The following DAZAP1 variants were observed in gnomAD, a reference collection of about 807,000 sequenced individuals.
DAZAP1 encodes DAZ associated protein 1, also known as DAZ-associated protein 1.
A neutral mutation model predicts 60.1 loss-of-function variants in DAZAP1; 6 were observed. That is an observed-to-expected ratio of 0.10 (90% CI 0.05 to 0.20). The LOEUF is 0.20. Among genes scored for constraint, DAZAP1 ranks in the 10% least tolerant of loss-of-function variants. The pLI is 1.00. For synonymous variants in DAZAP1, 235 were observed against 215.9 expected (o/e 1.09, Z -0.78); for missense variants, 366 against 560.4 (o/e 0.65, Z 3.50).
rs1159068770 is a variant in DAZAP1, at chr19:1,434,053, C to T, written c.1049-684C>T. ...TGCACCCGAATGGGAACCCAGAGGT[C>T]GTGGGAGGGGCTTCCTGCAAGGTGT... On this transcript the variant is annotated intron_variant, in intron 11 of 11. Transcript: ENST00000233078. The surrounding 1 kb of genome is among the most constrained non-coding windows in gnomAD (Gnocchi z 8.0). 3.5e-6 allele frequency: 2 copies of T among 566,274 alleles called. No homozygotes were observed. Among genetic ancestry groups the T allele is most frequent in the South Asian group, 2.1e-5 (1 of 47,386 alleles). 35.1% of individuals were successfully genotyped at this position (566,274 alleles called of 1,614,324 possible). A position where few individuals can be genotyped will look rare whatever the true frequency, so the allele number is the denominator to read the frequency against.
intron 1 of DAZAP1, among the ~76,000 whole-genome samples, chr19:1,414,449 T>C (rs1196334138): frequency 6.6e-6 from 1 of 152,074 alleles, no homozygotes; most frequent in Non-Finnish European, 1.5e-5. Flanking sequence ...AGCACAGTGA[T>C]CAAAATTGAG....
At chr19:1,424,681 G>C (rs764851475) in intron 6 of DAZAP1, among the ~76,000 whole-genome samples, 1 of 151,964 alleles carries the variant, frequency 6.6e-6, no homozygotes, top group East Asian at 1.9e-4. Context: ...CCTCACGCCC[G>C]TGCTGCGCTG....
intron 10 of DAZAP1, among the ~76,000 whole-genome samples, chr19:1,430,638 A>T (rs1451301776): frequency 6.6e-6 from 1 of 151,860 alleles, no homozygotes; most frequent in Non-Finnish European, 1.5e-5. Flanking sequence ...CAGGCTCCTC[A>T]GGAGACAGAG....
At chr19:1,409,320 G>T (rs1024484996) in intron 1 of DAZAP1, among the ~76,000 whole-genome samples, 1 of 152,194 alleles carries the variant, frequency 6.6e-6, no homozygotes, top group Non-Finnish European at 1.5e-5. Flanking sequence ...CATTCAAGCC[G>T]CGGGTGAACG....
chr19:1,429,050 G>A (rs1035111276), intron 8 of DAZAP1, 55 bp downstream of exon 8: 36 of 1,512,272 alleles, frequency 2.4e-5, no homozygotes, highest in Non-Finnish European at 2.8e-5. Context: ...GACTTGGCCC[G>A]CGCGCCCTGG....
At chr19:1,431,043 A>G (rs750290625) in intron 10 of DAZAP1, among the ~76,000 whole-genome samples, 40 of 151,462 alleles carry the variant, frequency 2.6e-4, no homozygotes, top group Admixed American at 6.6e-4. Flanking sequence ...ATTCTTGACT[A>G]ATTTTCCTGT....
Position 1,426,914 on chromosome 19 carries a change from T to C in DAZAP1, c.546+954T>C, listed in dbSNP as rs920436808. 4 of 152,168 alleles carry C rather than the reference T, an allele frequency of 2.6e-5. No homozygotes were observed. Among genetic ancestry groups the C allele is most frequent in the East Asian group, 1.9e-4 (1 of 5,196 alleles). 9.4% of individuals were successfully genotyped at this position (152,168 alleles called of 1,614,324 possible). On this transcript the variant is annotated intron_variant, in intron 7 of 11. Coordinates refer to ENST00000233078, the MANE Select transcript of DAZAP1 (RefSeq NM_018959.4). This position sits in a 1 kb window ranked among gnomAD's most constrained non-coding sequence, Gnocchi z 5.4. ...CTCTGACAGGGCCATGGTTGTTTTTTCAATTAAAATGTCCTGGAGGGAGCA... is the reference window on the plus strand; with the variant it reads ...CTCTGACAGGGCCATGGTTGTTTTTCCAATTAAAATGTCCTGGAGGGAGCA...
intron 8 of DAZAP1, among the ~76,000 whole-genome samples, chr19:1,429,630 G>T (rs1476881986): frequency 6.6e-6 from 1 of 152,216 alleles, no homozygotes; most frequent in African/African-American, 2.4e-5. Context: ...CGGAGGTGCT[G>T]TGGGGACTGT....
Position 1,422,317 on chromosome 19 carries a change from T to C in DAZAP1, c.415-31T>C, listed in dbSNP as rs1384139700. 1.9e-6 allele frequency: 3 copies of C among 1,610,688 alleles called. No homozygotes were observed. Among genetic ancestry groups the C allele is most frequent in the South Asian group, 2.2e-5 (2 of 90,984 alleles). Reference sequence around the variant, plus strand: ...AGACCACCTGTGGTGCTGGCCCTGGTGTCCGTGCTGACGCCACCCTCTCCT... The same window carrying C: ...AGACCACCTGTGGTGCTGGCCCTGGCGTCCGTGCTGACGCCACCCTCTCCT... On this transcript the variant is annotated intron_variant, in intron 5 of 11. Coordinates refer to ENST00000233078, the MANE Select transcript of DAZAP1 (RefSeq NM_018959.4). The surrounding 1 kb of genome is among the most constrained non-coding windows in gnomAD (Gnocchi z 4.5).
In DAZAP1 at chr19:1,432,478, A is replaced by T; in HGVS notation, c.872-36A>T. 6.2e-7 allele frequency: 1 copy of T among 1,611,416 alleles called. No homozygotes were observed. ...CTGCTGGTCTGCCCCCAGCTGCACA[A>T]CGTGTCTTGTGCCTTGCCCTCTTGT... is the stretch of plus-strand genomic sequence containing the variant. On this transcript the variant is annotated intron_variant, in intron 10 of 11. Coordinates refer to ENST00000233078, the MANE Select transcript of DAZAP1 (RefSeq NM_018959.4). The surrounding 1 kb of genome is among the most constrained non-coding windows in gnomAD (Gnocchi z 4.9).
chr19:1,433,684 G>A lies in DAZAP1; in HGVS notation c.1048+994G>A, dbSNP rs972066020. 67 of 1,469,598 alleles carry A rather than the reference G, an allele frequency of 4.6e-5. No homozygotes were observed. In the African/African-American group the frequency reaches 5.2e-4, roughly 11 times the overall value. 91.0% of individuals were successfully genotyped at this position (1,469,598 alleles called of 1,614,324 possible). A position where few individuals can be genotyped will look rare whatever the true frequency, so the allele number is the denominator to read the frequency against. On this transcript the variant is annotated intron_variant, in intron 11 of 11. Coordinates refer to ENST00000233078, the MANE Select transcript of DAZAP1 (RefSeq NM_018959.4). This position sits in a 1 kb window ranked among gnomAD's most constrained non-coding sequence, Gnocchi z 6.1. ...GGTTGGGGCGTGGCGTGTGTCAGCC[G>A]CTGCTCTTGGTGGCGGCTGCTTGGG...
At position 1,420,897 on chromosome 19, in the gene DAZAP1, G is replaced by A. The variant is rs558610318; in HGVS notation, c.304-251G>A. Among the ~76,000 whole-genome samples the A allele has an allele frequency of 3.3e-5, 5 of 152,328 alleles. No individual in the cohort carries two copies. The East Asian group carries it at 5.8e-4, about 18-fold the overall frequency. The stretch of plus-strand genomic sequence containing the variant: ...GCTGAGGCAAGGCACGCACTGTGTC[G>A]TGGGTCCGTTTAGCTGAAATGTAGC... On this transcript the variant is annotated intron_variant, in intron 4 of 11. Coordinates refer to ENST00000233078, the MANE Select transcript of DAZAP1 (RefSeq NM_018959.4).
In DAZAP1 at chr19:1,422,434, G is replaced by A; in HGVS notation, c.463+38G>A. 6.2e-7 allele frequency: 1 copy of A among 1,601,670 alleles called. No homozygotes were observed. The highest frequency in any genetic ancestry group is 8.6e-7 in the Non-Finnish European group (1 of 1,169,544). The stretch of plus-strand genomic sequence containing the variant: ...CTAGTTTGACCTCGGCCTTCTCCCT[G>A]CTCCTCCCTCAGATGGCAAACTATC... On this transcript the variant is annotated intron_variant, in intron 6 of 11. Transcript: ENST00000233078. This position sits in a 1 kb window ranked among gnomAD's most constrained non-coding sequence, Gnocchi z 4.5.
Position 1,432,391 on chromosome 19 carries a change from G to T in DAZAP1, c.872-123G>T, listed in dbSNP as rs549405958. 1.5e-4 allele frequency: 148 copies of T among 1,000,724 alleles called. No homozygotes were observed. The highest frequency in any genetic ancestry group is 2.2e-4 in the Non-Finnish European group (145 of 645,342). 62.0% of individuals were successfully genotyped at this position (1,000,724 alleles called of 1,614,324 possible). A position where few individuals can be genotyped will look rare whatever the true frequency, so the allele number is the denominator to read the frequency against. The stretch of plus-strand genomic sequence containing the variant: ...CTGTGGATGTCCACAAGGCCTGGGC[G>T]TTCTGTGGGTTTGGGTGGCAGTCCC... On this transcript the variant is annotated intron_variant, in intron 10 of 11. Coordinates refer to ENST00000233078, the MANE Select transcript of DAZAP1 (RefSeq NM_018959.4). The surrounding 1 kb of genome is among the most constrained non-coding windows in gnomAD (Gnocchi z 4.9).
intron 2 of DAZAP1, 36 bp downstream of exon 2, chr19:1,417,576 A>G (rs752802972): frequency 1.3e-6 from 2 of 1,588,724 alleles, no homozygotes; most frequent in South Asian, 1.1e-5. Context: ...GGTACTGCAG[A>G]TGGGCTCTAG....
In DAZAP1 at chr19:1,423,632, G is replaced by C. The variant is rs1005061360; in HGVS notation, c.463+1236G>C. ...ACCCAGCGCCTCTTGCACTGTGCCCGGACCAGGCGAGCCCTGTGGTTTCAG... is the reference window on the plus strand; with the variant it reads ...ACCCAGCGCCTCTTGCACTGTGCCCCGACCAGGCGAGCCCTGTGGTTTCAG... On this transcript the variant is annotated intron_variant, in intron 6 of 11. Coordinates refer to ENST00000233078, the MANE Select transcript of DAZAP1 (RefSeq NM_018959.4). The surrounding 1 kb of genome is among the most constrained non-coding windows in gnomAD (Gnocchi z 6.8). Among the ~76,000 whole-genome samples, 1 of 152,224 alleles carries C rather than the reference G, an allele frequency of 6.6e-6. No homozygotes were observed. Among genetic ancestry groups the C allele is most frequent in the Non-Finnish European group, 1.5e-5 (1 of 68,030 alleles).
intron 1 of DAZAP1, 61 bp downstream of exon 1, chr19:1,407,863 GC>G: frequency 9.5e-7 from 1 of 1,049,106 alleles, no homozygotes; most frequent in Non-Finnish European, 1.1e-6. Flanking sequence ...GCTCCCCGCC[GC>G]CCGGCCTCAG....
rs1219172189 is a variant in DAZAP1, at chr19:1,418,822, A to C, written c.303+91A>C. The stretch of plus-strand genomic sequence containing the variant: ...CTTCAATCTGCTGTTGTCGCTCGTT[A>C]AGATTGAGGGCGACGCAGGTCTTCT... On this transcript the variant is annotated intron_variant, in intron 4 of 11. Coordinates refer to ENST00000233078, the MANE Select transcript of DAZAP1 (RefSeq NM_018959.4). The surrounding 1 kb of genome is among the most constrained non-coding windows in gnomAD (Gnocchi z 5.7). The C allele has an allele frequency of 1.1e-5, 15 of 1,363,100 alleles. No homozygotes were observed. The highest frequency in any genetic ancestry group is 1.4e-5 in the Non-Finnish European group (14 of 994,110). The allele number at this position is 1,363,100 out of a possible 1,614,324, so 84.4% of individuals were successfully genotyped here.
At chr19:1,421,476 C>T (rs891988476) in intron 5 of DAZAP1, among the ~76,000 whole-genome samples, 13 of 152,246 alleles carry the variant, frequency 8.5e-5, no homozygotes, top group African/African-American at 2.7e-4. Context: ...GGTGGTTGGG[C>T]GGTGAACCAG....
Sources: gnomAD v4.1 joint callset for allele counts (sites outside exome capture counted in the v4.1 genomes callset) on GRCh38, gnomAD v4.1.1 for gene constraint, Gnocchi (gnomAD v3.1) non-coding constraint, MANE v1.5 for transcripts, NCBI Gene and HGNC (gene_info 2026-07-23, HGNC 2026-07-21) for gene names.